EPC2: variants seen among roughly 807,000 people sequenced by gnomAD.
EPC2 encodes the protein enhancer of polycomb 2.
EPC2 carries 14 observed loss-of-function variants against 92.1 expected under a neutral mutation model. The ratio of observed to expected loss-of-function variants is 0.15; its 90% CI spans 0.10 to 0.24. The LOEUF is 0.24. Among genes scored for constraint, EPC2 ranks in the 10% least tolerant of loss-of-function variants. EPC2 has a pLI of 1.00. For missense variants in EPC2, 755 were observed against 971.5 expected (o/e 0.78, Z 2.96); for synonymous variants, 340 against 334.7 (o/e 1.02, Z -0.17).
chr2:148,760,440 A>G (rs1359092065), intron 4 of EPC2, among the ~76,000 whole-genome samples: 1 of 152,196 alleles, frequency 6.6e-6, no homozygotes, highest in Non-Finnish European at 1.5e-5. Flanking sequence ...AATTCTGTAT[A>G]TCTGTTTTCT....
chr2:148,751,686 T>C (rs1023956023), intron 3 of EPC2, among the ~76,000 whole-genome samples: 1 of 152,164 alleles, frequency 6.6e-6, no homozygotes, highest in Admixed American at 6.5e-5. Context: ...ATAGTAAAGT[T>C]CTGATTTTGC....
In EPC2 at chr2:148,775,135, G is replaced by A. The variant is rs145992183; in HGVS notation, c.1720+3748G>A. The stretch of plus-strand genomic sequence containing the variant: ...GAAAAAGAAAACCACTTCTCAAAGA[G>A]TAAAAGCAGGATAAAGAATAGATTG... On this transcript the variant is annotated intron_variant, in intron 10 of 13. Coordinates refer to ENST00000258484, the MANE Select transcript of EPC2 (RefSeq NM_015630.4). Among the ~76,000 whole-genome samples the A allele has an allele frequency of 5.9e-5, 9 of 151,398 alleles. No homozygotes were observed. In the East Asian group the frequency reaches 1.5e-3, roughly 26 times the overall value.
chr2:148,711,671 A>G (rs1197390370), intron 2 of EPC2, among the ~76,000 whole-genome samples: 6 of 152,132 alleles, frequency 3.9e-5, no homozygotes, highest in Admixed American at 2.6e-4. Context: ...TCCATTTCTG[A>G]TAGAAGGCTA....
chr2:148,652,200 G>T (rs944042473), intron 1 of EPC2, among the ~76,000 whole-genome samples: 9 of 152,168 alleles, frequency 5.9e-5, no homozygotes, highest in East Asian at 1.9e-4. Context: ...TACCCTCTCA[G>T]CTGGAGAGCT....
chr2:148,747,516 CTTCT>C (rs575899235), intron 3 of EPC2, among the ~76,000 whole-genome samples: 14 of 152,050 alleles, frequency 9.2e-5, no homozygotes, highest in Non-Finnish European at 1.6e-4. Context: ...CCCATTGTCT[CTTCT>C]TTCTTTGTCA....
intron 2 of EPC2, among the ~76,000 whole-genome samples, chr2:148,722,358 C>T (rs1398575752): frequency 6.6e-6 from 1 of 152,112 alleles, no homozygotes; most frequent in Non-Finnish European, 1.5e-5. Context: ...CTTTTTCCTT[C>T]CCCCAGGTCT....
rs34219179 is a variant in EPC2 at position 148,733,479 on chromosome 2, ATTTTTTTTTTTTTTTTT to A, written c.314-10123_314-10107del. 7.3e-3 allele frequency among the ~76,000 whole-genome samples: 195 copies of A among 26,678 alleles called. 2 individuals are homozygous for A. The highest frequency in any genetic ancestry group is 0.023 in the African/African-American group (175 of 7,708). 17.5% of individuals were successfully genotyped at this position (26,678 alleles called of 152,430 possible). ...CTTTCTCTTTTCTTTCTCTCTCTGG[ATTTTTTTTTTTTTTTTT>A]TTTTTTTTTTTTTTTTTTTGATACA... is the stretch of plus-strand genomic sequence containing the variant. On this transcript the variant is annotated intron_variant, in intron 2 of 13. Coordinates refer to ENST00000258484, the MANE Select transcript of EPC2 (RefSeq NM_015630.4).
intron 1 of EPC2, among the ~76,000 whole-genome samples, chr2:148,674,218 TTC>T (rs1439217827): frequency 1.3e-5 from 2 of 152,308 alleles, no homozygotes; most frequent in African/African-American, 4.8e-5. Flanking sequence ...GTTTGCTAGT[TTC>T]TTTCTCAGGT....
intron 10 of EPC2, among the ~76,000 whole-genome samples, chr2:148,777,937 G>A (rs1425431950): frequency 6.6e-6 from 1 of 152,174 alleles, no homozygotes; most frequent in African/African-American, 2.4e-5. Context: ...ATCTAGAAAT[G>A]CAAGTATGTT....
rs1011137036 is a variant in EPC2, at chr2:148,701,951, GT to G, written c.313+11583del. On this transcript the variant is annotated intron_variant, in intron 2 of 13. Transcript: ENST00000258484. ...TCTTTAGTCAGTTTTAGTAGTTTGT[GT>G]TTTTGTCCATTTTCTGTAAGTTGTC... Among the ~76,000 whole-genome samples, 6 of 152,108 alleles carry G rather than the reference GT, an allele frequency of 3.9e-5. No homozygotes were observed. The South Asian group carries it at 6.2e-4, about 16-fold the overall frequency.
intron 1 of EPC2, among the ~76,000 whole-genome samples, chr2:148,667,620 G>GT (rs1243792043): frequency 6.6e-6 from 1 of 151,904 alleles, no homozygotes; most frequent in Non-Finnish European, 1.5e-5. Context: ...TATTCACTCC[G>GT]TTTTTTTGAC....
rs115942262 is a variant in EPC2 at position 148,711,777 on chromosome 2, A to G, written c.313+21404A>G. On this transcript the variant is annotated intron_variant, in intron 2 of 13. Transcript: ENST00000258484. ...AGTTTGTTGCTCTGTCGTTAGGCAC[A>G]TGCACATTAGGGATTGTTATATCTT... Among the ~76,000 whole-genome samples the G allele has an allele frequency of 1.8e-4, 28 of 152,298 alleles. No individual in the cohort carries two copies. The South Asian group carries it at 4.3e-3, about 24-fold the overall frequency.
intron 2 of EPC2, among the ~76,000 whole-genome samples, chr2:148,715,592 C>G (rs1682243680): frequency 6.6e-6 from 1 of 151,990 alleles, no homozygotes; most frequent in African/African-American, 2.4e-5. Flanking sequence ...TGTGTCTGTT[C>G]TTGTACTAAT....
intron 10 of EPC2, among the ~76,000 whole-genome samples, chr2:148,781,269 CTT>C (rs1173485279): frequency 6.6e-6 from 1 of 152,096 alleles, no homozygotes. Flanking sequence ...AAGGCTATAA[CTT>C]AGTCATCATT....
At position 148,654,435 on chromosome 2, in the gene EPC2, C is replaced by T. The variant is rs1362492546; in HGVS notation, c.153+9265C>T. On this transcript the variant is annotated intron_variant, in intron 1 of 13. Coordinates refer to ENST00000258484, the MANE Select transcript of EPC2 (RefSeq NM_015630.4). Reference sequence around the variant, plus strand: ...TTCTCATGCCAATTAAACATTTTTACAGCTTGAGGCCAGGAGTTTTGAGAC... The same window carrying T: ...TTCTCATGCCAATTAAACATTTTTATAGCTTGAGGCCAGGAGTTTTGAGAC... 2.6e-5 allele frequency among the ~76,000 whole-genome samples: 4 copies of T among 152,208 alleles called. No individual in the cohort carries two copies. In the East Asian group the frequency reaches 7.7e-4, roughly 29 times the overall value.
chr2:148,744,751 A>G (rs1294719018), intron 3 of EPC2, among the ~76,000 whole-genome samples: 1 of 152,150 alleles, frequency 6.6e-6, no homozygotes, highest in Non-Finnish European at 1.5e-5. Flanking sequence ...CTTTTTAAAC[A>G]TAAGTTTTGG....
chr2:148,775,678 T>TAATTTAATTAAATAAAATTAAATTA (rs1553451017), intron 10 of EPC2, among the ~76,000 whole-genome samples: 1 of 147,612 alleles, frequency 6.8e-6, no homozygotes, highest in Admixed American at 6.7e-5. Flanking sequence ...AAATTAAATT[T>TAATTTAATTAAATAAAATTAAATTA]AATTTAATTA....
chr2:148,777,611 A>G (rs543159077), intron 10 of EPC2, among the ~76,000 whole-genome samples: 2 of 152,262 alleles, frequency 1.3e-5, no homozygotes, highest in South Asian at 2.1e-4. Context: ...AAGCTTTATA[A>G]TCATTATGTT....
intron 1 of EPC2, among the ~76,000 whole-genome samples, chr2:148,680,881 G>A (rs1436584961): frequency 5.3e-5 from 8 of 152,214 alleles, no homozygotes; most frequent in African/African-American, 1.9e-4. Flanking sequence ...GCATAAAACA[G>A]TATGCTGTTA....
Sources: allele counts gnomAD v4.1 joint callset (sites outside exome capture counted in the v4.1 genomes callset), GRCh38; gene constraint gnomAD v4.1.1; transcripts MANE v1.5; gene names NCBI Gene and HGNC (gene_info 2026-07-23, HGNC 2026-07-21).